NRXN1: variants seen among roughly 807,000 people sequenced by gnomAD.
The protein encoded by NRXN1 is neurexin 1.
A neutral mutation model predicts 150.9 loss-of-function variants in NRXN1; 39 were observed. That is an observed-to-expected ratio of 0.26 (90% CI 0.20 to 0.34). The LOEUF (loss-of-function observed/expected upper bound fraction) is 0.34. Among genes scored for constraint, NRXN1 ranks in the 10% least tolerant of loss-of-function variants. The pLI, the probability that NRXN1 is intolerant of heterozygous loss-of-function variation, is 1.00. For missense variants in NRXN1, 1,815 were observed against 1,949.9 expected (o/e 0.93, Z 1.30); for synonymous variants, 924 against 757.0 (o/e 1.22, Z -3.62).
intron 5 of NRXN1, chr2:50,632,576 C>T (rs754629877): frequency 9.9e-5 from 15 of 151,962 alleles, no homozygotes; most frequent in East Asian, 1.9e-4. Context: ...TATTGTAACC[C>T]GATCCCCAAG....
At chr2:50,738,478 G>C (rs1646427) in intron 5 of NRXN1, among the ~76,000 whole-genome samples, 126,648 of 152,190 alleles carry the variant, frequency 0.83, 53,292 homozygotes, top group African/African-American at 0.95. Flanking sequence ...CTCTACTTTT[G>C]TTTTTCAGTA....
chr2:50,809,419 G>C (rs1273148560), intron 5 of NRXN1, among the ~76,000 whole-genome samples: 1 of 152,056 alleles, frequency 6.6e-6, no homozygotes, highest in Non-Finnish European at 1.5e-5. Flanking sequence ...AGCCAGGTAG[G>C]TGCTTTCCTA....
chr2:50,723,471 C>T (rs1014394221), intron 5 of NRXN1, among the ~76,000 whole-genome samples: 2 of 152,134 alleles, frequency 1.3e-5, no homozygotes, highest in Non-Finnish European at 1.5e-5. Context: ...AGAGGAAGAA[C>T]AGTTTAAATT....
chr2:50,927,239 A>C (rs1403612338), intron 2 of NRXN1, among the ~76,000 whole-genome samples: 1 of 152,050 alleles, frequency 6.6e-6, no homozygotes, highest in African/African-American at 2.4e-5. Context: ...TAATTGGATA[A>C]AGTTACTAGT....
intron 5 of NRXN1, among the ~76,000 whole-genome samples, chr2:50,822,434 A>C (rs1170404764): frequency 6.6e-6 from 1 of 152,136 alleles, no homozygotes; most frequent in East Asian, 1.9e-4. Context: ...GAAAGTCTTA[A>C]AAATAAATAT....
Position 49,920,454 on chromosome 2 carries a change from G to T in NRXN1, c.*1490C>A, listed in dbSNP as rs1280854176. ...TGCTTCCATAACCTGCCCACATAATGGTTCTTATTCATGCAGCAGTATATC... is the reference window on the plus strand; with the variant it reads ...TGCTTCCATAACCTGCCCACATAATTGTTCTTATTCATGCAGCAGTATATC... On this transcript the variant is annotated 3_prime_UTR_variant, in exon 23 of 23. Transcript: ENST00000401669. 9 of 152,436 alleles carry T rather than the reference G, an allele frequency of 5.9e-5. No individual in the cohort carries two copies. The highest frequency in any genetic ancestry group is 2.2e-4 in the African/African-American group (9 of 41,366). 9.4% of individuals were successfully genotyped at this position (152,436 alleles called of 1,614,324 possible).
chr2:50,621,098 A>T (rs1679934634), intron 7 of NRXN1, 128 bp downstream of exon 7: 1 of 728,992 alleles, frequency 1.4e-6, no homozygotes, highest in African/African-American at 1.8e-5. Flanking sequence ...AAGTAAGCAG[A>T]AGAGTACCAA....
rs2065816144 is a variant in NRXN1, at chr2:50,239,677, T to C, written c.3365-2707A>G. On this transcript the variant is annotated intron_variant, in intron 17 of 22. Coordinates refer to ENST00000401669, the MANE Select transcript of NRXN1 (RefSeq NM_001330078.2). ...ACCTATTCCAGTATATATATATATA[T>C]ATATATATATATATATATATATATA... is the stretch of plus-strand genomic sequence containing the variant. Among the ~76,000 whole-genome samples the C allele has an allele frequency of 9.9e-5, 5 of 50,346 alleles. No individual in the cohort carries two copies. In the South Asian group the frequency reaches 2.3e-3, roughly 23 times the overall value. 33.0% of individuals were successfully genotyped at this position (50,346 alleles called of 152,430 possible).
intron 5 of NRXN1, among the ~76,000 whole-genome samples, chr2:50,708,618 T>C (rs1694752211): frequency 6.6e-6 from 1 of 152,050 alleles, no homozygotes; most frequent in South Asian, 2.1e-4. Flanking sequence ...AGGGAAGACT[T>C]ATTTTCCCAT....
At chr2:50,790,734 T>C (rs1287828531) in intron 5 of NRXN1, among the ~76,000 whole-genome samples, 3 of 152,182 alleles carry the variant, frequency 2.0e-5, no homozygotes, top group Admixed American at 6.6e-5. Context: ...TATTTGCCTA[T>C]ACATAATGTT....
chr2:50,670,115 A>C (rs995130625), intron 5 of NRXN1, among the ~76,000 whole-genome samples: 3 of 151,766 alleles, frequency 2.0e-5, no homozygotes, highest in Non-Finnish European at 4.4e-5. Flanking sequence ...TCTAGGGAAA[A>C]TATGAATCTT....
At chr2:49,929,270 C>T (rs1271523095) in intron 22 of NRXN1, among the ~76,000 whole-genome samples, 1 of 152,180 alleles carries the variant, frequency 6.6e-6, no homozygotes, top group Non-Finnish European at 1.5e-5. Flanking sequence ...CTCTGTATGA[C>T]CTTGGTGACA....
chr2:50,331,717 G>C (rs2076845197), intron 17 of NRXN1, among the ~76,000 whole-genome samples: 1 of 152,168 alleles, frequency 6.6e-6, no homozygotes, highest in African/African-American at 2.4e-5. Flanking sequence ...TTGTGTTCAA[G>C]TGATTTTCCT....
At chr2:50,007,968 T>A (rs1685045105) in intron 21 of NRXN1, among the ~76,000 whole-genome samples, 1 of 152,140 alleles carries the variant, frequency 6.6e-6, no homozygotes, top group Non-Finnish European at 1.5e-5. Flanking sequence ...AAGTTCACCA[T>A]TCTAAGTAAC....
intron 19 of NRXN1, among the ~76,000 whole-genome samples, chr2:50,070,141 C>A (rs1047903723): frequency 6.6e-6 from 1 of 151,840 alleles, no homozygotes; most frequent in African/African-American, 2.4e-5. Flanking sequence ...TGAGCCACTG[C>A]GCCTGGCCGA....
chr2:50,156,361 G>A (rs1194087015), intron 18 of NRXN1, among the ~76,000 whole-genome samples: 2 of 151,956 alleles, frequency 1.3e-5, no homozygotes, highest in Non-Finnish European at 1.5e-5. Context: ...CAGCACTAGC[G>A]TGCCTGTGTT....
chr2:50,969,473 A>G (rs1344762816), intron 2 of NRXN1, among the ~76,000 whole-genome samples: 2 of 152,164 alleles, frequency 1.3e-5, no homozygotes, highest in African/African-American at 2.4e-5. Flanking sequence ...CTATTATTTT[A>G]TGATGGTAAT....
At chr2:50,415,016 C>A (rs923966358) in intron 17 of NRXN1, among the ~76,000 whole-genome samples, 3 of 152,084 alleles carry the variant, frequency 2.0e-5, no homozygotes, top group African/African-American at 7.2e-5. Flanking sequence ...TCTCTTGTCA[C>A]TTCATAACTA....
At chr2:50,801,039 T>G (rs1243351027) in intron 5 of NRXN1, among the ~76,000 whole-genome samples, 1 of 152,188 alleles carries the variant, frequency 6.6e-6, no homozygotes. Flanking sequence ...CTAATTTAAT[T>G]GCATAATTTT....
Sources: allele counts gnomAD v4.1 joint callset (sites outside exome capture counted in the v4.1 genomes callset), GRCh38; gene constraint gnomAD v4.1.1; transcripts MANE v1.5; gene names NCBI Gene and HGNC (gene_info 2026-07-23, HGNC 2026-07-21).